Variants in FRS2 observed in about 807,000 individuals in gnomAD.
FRS2 encodes fibroblast growth factor receptor substrate 2.
Under a neutral mutation model 43.9 loss-of-function variants are expected in FRS2, and 8 were observed. The ratio of observed to expected loss-of-function variants is 0.18; its 90% CI spans 0.11 to 0.33. FRS2 has a LOEUF of 0.33. Ranked by LOEUF, FRS2 falls within the 10% of genes least tolerant of loss-of-function variation. The pLI is 1.00. For synonymous variants in FRS2, 219 were observed against 220.3 expected, an observed-to-expected ratio of 0.99 and a Z score of 0.05; for missense variants, 534 against 627.6, an observed-to-expected ratio of 0.85 and a Z score of 1.59.
Position 69,574,652 on chromosome 12 carries a change from A to G in FRS2, c.1224A>G (p.Glu408=). Residue 408 remains glutamate, a synonymous_variant, in exon 9 of 9, where the codon GAA becomes GAG. Transcript: ENST00000549921. ...TGCCAGCAAGTGCTCACAAAATAGA[A>G]TATTCAAGGCGTCGGGACTGTACAC... ...VTVPASAHKI[E]YSRRRDCTPT... The G allele has an allele frequency of 6.2e-7, 1 of 1,614,198 alleles. No individual in the cohort carries two copies.
intron 1 of FRS2, among the ~76,000 whole-genome samples, chr12:69,516,212 A>ATTG (rs1486002532): frequency 1.3e-5 from 2 of 148,824 alleles, no homozygotes; most frequent in African/African-American, 2.5e-5. Flanking sequence ...TATTATTATT[A>ATTG]TTATTACTAT....
intron 4 of FRS2, among the ~76,000 whole-genome samples, chr12:69,567,475 T>C (rs1487080565): frequency 6.6e-6 from 1 of 152,132 alleles, no homozygotes; most frequent in Non-Finnish European, 1.5e-5. Flanking sequence ...TGTTAGGTAC[T>C]AGGAATGTAA....
intron 3 of FRS2, among the ~76,000 whole-genome samples, chr12:69,553,200 T>C (rs1429660312): frequency 2.6e-5 from 4 of 151,348 alleles, no homozygotes; most frequent in Admixed American, 1.3e-4. Flanking sequence ...GCCTCCCGAG[T>C]AGTTGGGATT....
At chr12:69,562,352 A>G in intron 4 of FRS2, 78 bp downstream of exon 4, 2 of 396,076 alleles carry the variant, frequency 5.0e-6, no homozygotes, top group Non-Finnish European at 8.9e-6. Context: ...TTAAATACAG[A>G]TGAAGTCCTG....
chr12:69,497,667 G>T (rs1183970027), intron 1 of FRS2, among the ~76,000 whole-genome samples: 1 of 152,212 alleles, frequency 6.6e-6, no homozygotes, highest in African/African-American at 2.4e-5. Flanking sequence ...TCTCCTAGAG[G>T]TTGCCTGAAG....
At chr12:69,488,925 G>A (rs1872204282) in intron 1 of FRS2, among the ~76,000 whole-genome samples, 1 of 152,216 alleles carries the variant, frequency 6.6e-6, no homozygotes, top group African/African-American at 2.4e-5. Context: ...AGGTGTAGGT[G>A]ATGAGCCTGT....
At chr12:69,482,494 G>A (rs1250221944) in intron 1 of FRS2, among the ~76,000 whole-genome samples, 1 of 152,166 alleles carries the variant, frequency 6.6e-6, no homozygotes, top group Admixed American at 6.5e-5. Context: ...TGGTTAAAAT[G>A]TGAATTCATC....
At position 69,574,792 on chromosome 12, in the gene FRS2, C is replaced by T. The variant is rs1286356754; in HGVS notation, c.1364C>T (p.Thr455Met). The change falls in exon 9 of 9, where the codon ACG (threonine) becomes ATG (methionine). Residue 455 changes from threonine (T) to methionine (M), a missense_variant. Thr to Met is a moderately conservative substitution (Grantham distance 81). Coordinates refer to ENST00000549921, the MANE Select transcript of FRS2 (RefSeq NM_001278356.2). ...SDSDNPQTPK[T>M]PTTPLPQTPT... Reference sequence around the variant, plus strand: ...TCTGACAACCCTCAGACTCCAAAAACGCCTACAACTCCCCTTCCACAAACC... The same window carrying T: ...TCTGACAACCCTCAGACTCCAAAAATGCCTACAACTCCCCTTCCACAAACC... 12 of 1,613,980 alleles carry T rather than the reference C, an allele frequency of 7.4e-6. No homozygotes were observed. Among genetic ancestry groups the T allele is most frequent in the Admixed American group, 5.0e-5 (3 of 59,998 alleles).
chr12:69,565,832 A>T (rs2135791255), intron 4 of FRS2, among the ~76,000 whole-genome samples: 1 of 151,212 alleles, frequency 6.6e-6, no homozygotes, highest in Middle Eastern at 3.4e-3. Context: ...TTTTTTTTTT[A>T]ATAAGTAGAA....
intron 3 of FRS2, among the ~76,000 whole-genome samples, chr12:69,532,613 T>G (rs1450593783): frequency 1.3e-5 from 2 of 152,196 alleles, no homozygotes; most frequent in Non-Finnish European, 2.9e-5. Flanking sequence ...AGTCACCTCC[T>G]AAAGGTCCCG....
Position 69,574,147 on chromosome 12 carries a change from C to A in FRS2, c.719C>A (p.Pro240His). ...CCAAGTAGTATTGAGGACAGGGATCCTCAGATTCTTCTTGAACCTGAAGGA... is the reference window on the plus strand; with the variant it reads ...CCAAGTAGTATTGAGGACAGGGATCATCAGATTCTTCTTGAACCTGAAGGA... ...EEPSSIEDRD[P>H]QILLEPEGVK... Residue 240 changes from proline (P) to histidine (H), a missense_variant, in exon 9 of 9, where the codon CCT becomes CAT. Transcript: ENST00000549921. 3.1e-6 allele frequency: 5 copies of A among 1,614,040 alleles called. No individual in the cohort carries two copies. The highest frequency in any genetic ancestry group is 4.2e-6 in the Non-Finnish European group (5 of 1,179,898).
intron 3 of FRS2, among the ~76,000 whole-genome samples, chr12:69,546,691 A>G (rs1878441512): frequency 6.6e-6 from 1 of 152,128 alleles, no homozygotes; most frequent in African/African-American, 2.4e-5. Flanking sequence ...GCACCTGGCC[A>G]AGGATGGCTA....
chr12:69,556,012 G>C (rs1034213637), intron 3 of FRS2, among the ~76,000 whole-genome samples: 1 of 141,538 alleles, frequency 7.1e-6, no homozygotes, highest in Non-Finnish European at 1.5e-5. Flanking sequence ...GTGTGGCGGG[G>C]GGGGGGGCGG....
At chr12:69,539,827 C>A (rs532421666) in intron 3 of FRS2, among the ~76,000 whole-genome samples, 4 of 152,086 alleles carry the variant, frequency 2.6e-5, no homozygotes, top group Non-Finnish European at 5.9e-5. Flanking sequence ...GGGTGGCGGG[C>A]GCCTGTAATC....
chr12:69,515,458 C>T (rs938452179), intron 1 of FRS2, among the ~76,000 whole-genome samples: 1 of 152,138 alleles, frequency 6.6e-6, no homozygotes, highest in African/African-American at 2.4e-5. Flanking sequence ...TTCTGAATAT[C>T]AGTGCTTAGA....
intron 3 of FRS2, among the ~76,000 whole-genome samples, chr12:69,536,065 G>GTATAGTTT (rs1877242946): frequency 8.5e-6 from 1 of 117,732 alleles, no homozygotes; most frequent in Non-Finnish European, 1.8e-5. Flanking sequence ...AATATAGCTA[G>GTATAGTTT]TATAGTTTTC....
intron 4 of FRS2, among the ~76,000 whole-genome samples, chr12:69,564,628 G>A (rs1565777951): frequency 6.6e-6 from 1 of 151,994 alleles, no homozygotes; most frequent in African/African-American, 2.4e-5. Context: ...CCTCTTAAAT[G>A]TTCCTTAAAT....
Position 69,495,443 on chromosome 12 carries a change from T to C in FRS2, c.-261+24913T>C, listed in dbSNP as rs571310523. 4.2e-4 allele frequency among the ~76,000 whole-genome samples: 64 copies of C among 152,340 alleles called. 2 individuals are homozygous for C. In the South Asian group the frequency reaches 0.011, roughly 27 times the overall value. ...TATTTACCATTAGAAATTCCATTGATTGTTTTCTCATGTCTGTGCCTCAAT... is the reference window on the plus strand; with the variant it reads ...TATTTACCATTAGAAATTCCATTGACTGTTTTCTCATGTCTGTGCCTCAAT... On this transcript the variant is annotated intron_variant, in intron 1 of 8. Coordinates refer to ENST00000549921, the MANE Select transcript of FRS2 (RefSeq NM_001278356.2).
intron 1 of FRS2, among the ~76,000 whole-genome samples, chr12:69,474,523 T>A (rs752400210): frequency 1.3e-5 from 2 of 152,210 alleles, no homozygotes; most frequent in Admixed American, 6.5e-5. Flanking sequence ...TTTGATAGTA[T>A]GTCCACTGCT....
Sources: allele counts gnomAD v4.1 joint callset (sites outside exome capture counted in the v4.1 genomes callset), GRCh38; gene constraint gnomAD v4.1.1; transcripts MANE v1.5; gene names NCBI Gene and HGNC (gene_info 2026-07-23, HGNC 2026-07-21).